Variants in DSE observed in about 807,000 individuals in gnomAD.
DSE encodes dermatan-sulfate epimerase.
In DSE, 36 loss-of-function variants were observed where a neutral mutation model predicts 84.4. The ratio of observed to expected loss-of-function variants is 0.43; its 90% confidence interval spans 0.33 to 0.56. The LOEUF is 0.56. DSE is among the 20% of genes least tolerant of loss of function. DSE has a pLI of 0.06. For missense variants in DSE, 862 were observed against 1,169.6 expected (o/e 0.74, Z 3.84); for synonymous variants, 410 against 430.1 (o/e 0.95, Z 0.58).
intron 2 of DSE, among the ~76,000 whole-genome samples, chr6:116,260,246 CT>C (rs910513923): frequency 3.3e-5 from 5 of 151,314 alleles, no homozygotes; most frequent in South Asian, 2.1e-4. Context: ...TGATGTTGAG[CT>C]TTTTTTTTCA....
intron 2 of DSE, among the ~76,000 whole-genome samples, chr6:116,334,114 C>T (rs1777104233): frequency 6.6e-6 from 1 of 152,122 alleles, no homozygotes. Flanking sequence ...TGTTTCCCAC[C>T]ATTAGATTAT....
chr6:116,296,536 G>A (rs1774677531), intron 2 of DSE, among the ~76,000 whole-genome samples: 1 of 152,300 alleles, frequency 6.6e-6, no homozygotes, highest in South Asian at 2.1e-4. Flanking sequence ...GTGTGACTGG[G>A]GCTAAGGTTT....
At chr6:116,254,511 CAG>C (rs1375116099) in intron 1 of DSE, 1 of 246,802 alleles carries the variant, frequency 4.1e-6, no homozygotes, top group Non-Finnish European at 8.3e-6. Context: ...TTTAAATGAG[CAG>C]AGTTTGATTT....
rs1284316998 is a variant in DSE at position 116,439,075 on chromosome 6, G to A, written c.*1730G>A. 1.3e-5 allele frequency: 2 copies of A among 152,196 alleles called. No homozygotes were observed. The highest frequency in any genetic ancestry group is 3.9e-4 in the East Asian group (2 of 5,184). The allele number at this position is 152,196 out of a possible 1,614,324, so 9.4% of individuals were successfully genotyped here. A position where few individuals can be genotyped will look rare whatever the true frequency, so the allele number is the denominator to read the frequency against. ...TTACTAGGATTTAAACTTGCTTTAT[G>A]TGACAGATTCTCCATTTACTTAACC... is the stretch of plus-strand genomic sequence containing the variant. On this transcript the variant is annotated 3_prime_UTR_variant, in exon 6 of 6. Transcript: ENST00000644252.
intron 2 of DSE, among the ~76,000 whole-genome samples, chr6:116,359,307 A>T (rs1778754655): frequency 6.6e-6 from 1 of 152,116 alleles, no homozygotes; most frequent in Non-Finnish European, 1.5e-5. Flanking sequence ...CACTTACTAT[A>T]CAAGCATTTG....
At chr6:116,262,892 G>A (rs1772471544) in intron 2 of DSE, among the ~76,000 whole-genome samples, 1 of 152,140 alleles carries the variant, frequency 6.6e-6, no homozygotes, top group African/African-American at 2.4e-5. Context: ...TCAGGAGCAG[G>A]TTATTCAATT....
In DSE at chr6:116,399,580, A is replaced by G; in HGVS notation, c.330A>G (p.Ala110=). 6.2e-7 allele frequency: 1 copy of G among 1,614,248 alleles called. No homozygotes were observed. Among genetic ancestry groups the G allele is most frequent in the African/African-American group, 1.3e-5 (1 of 75,068 alleles). Residue 110 remains alanine, a synonymous_variant, in exon 2 of 6, where the codon GCA becomes GCG. Transcript: ENST00000644252. ...TTGGAAACAACTTGGGTGCCTTGGC[A>G]ATGTTCTGTGTGCTGTATCCTGAGA... ...EIFGNNLGAL[A]MFCVLYPENI...
In DSE at chr6:116,305,632, CT is replaced by C. The variant is rs906728776; in HGVS notation, c.-54+46673del. 5.3e-5 allele frequency among the ~76,000 whole-genome samples: 8 copies of C among 151,688 alleles called. No homozygotes were observed. In the South Asian group the frequency reaches 6.3e-4, roughly 12 times the overall value. On this transcript the variant is annotated intron_variant, in intron 2 of 3. Transcript: ENST00000430252. ...AATTATACCGTAGCTATAGAGTATCCTTTTTTTTGTTTTTGTTTTTTTGAGT... is the reference window on the plus strand; with the variant it reads ...AATTATACCGTAGCTATAGAGTATCCTTTTTTTGTTTTTGTTTTTTTGAGT...
At chr6:116,273,843 T>G (rs937596992) in intron 2 of DSE, among the ~76,000 whole-genome samples, 1 of 151,160 alleles carries the variant, frequency 6.6e-6, no homozygotes, top group African/African-American at 2.4e-5. Flanking sequence ...TGTTTTTTTT[T>G]TTTTTTGAGA....
At chr6:116,279,613 TC>T in intron 2 of DSE, 1 of 1,602,398 alleles carries the variant, frequency 6.2e-7, no homozygotes, top group Non-Finnish European at 8.5e-7. Context: ...GCCCGCGGCA[TC>T]CTGGGGTACG....
Position 116,337,454 on chromosome 6 carries a change from A to G in DSE, c.-53-61744A>G, listed in dbSNP as rs561402371. Among the ~76,000 whole-genome samples, 3 of 152,268 alleles carry G rather than the reference A, an allele frequency of 2.0e-5. No homozygotes were observed. In the South Asian group the frequency reaches 6.2e-4, roughly 32 times the overall value. On this transcript the variant is annotated intron_variant, in intron 2 of 3. Transcript: ENST00000430252. ...GTGAAACACCGTCTCTACTAAAACTACAAAAATTAGCCGGGTGTGGTGGTG... is the reference window on the plus strand; with the variant it reads ...GTGAAACACCGTCTCTACTAAAACTGCAAAAATTAGCCGGGTGTGGTGGTG...
intron 2 of DSE, among the ~76,000 whole-genome samples, chr6:116,331,222 T>C (rs1011447908): frequency 6.6e-6 from 1 of 152,196 alleles, no homozygotes; most frequent in Non-Finnish European, 1.5e-5. Flanking sequence ...AATAGTTGTA[T>C]TAGTTCATTC....
intron 2 of DSE, among the ~76,000 whole-genome samples, chr6:116,322,810 A>C (rs1374564308): frequency 6.6e-6 from 1 of 152,202 alleles, no homozygotes; most frequent in Non-Finnish European, 1.5e-5. Context: ...TTCTGTTTAA[A>C]TATGGAGAGA....
intron 2 of DSE, among the ~76,000 whole-genome samples, chr6:116,365,222 T>C (rs1319135945): frequency 2.6e-5 from 4 of 151,986 alleles, no homozygotes; most frequent in Non-Finnish European, 5.9e-5. Flanking sequence ...AACTTTCTAA[T>C]TTGGTTGGTA....
At chr6:116,295,544 A>G (rs1774609653) in intron 2 of DSE, among the ~76,000 whole-genome samples, 1 of 152,210 alleles carries the variant, frequency 6.6e-6, no homozygotes, top group Admixed American at 6.5e-5. Context: ...AAACCACAAT[A>G]CAGAAAATAA....
intron 2 of DSE, among the ~76,000 whole-genome samples, chr6:116,300,431 TATC>T (rs1259733828): frequency 6.6e-6 from 1 of 152,228 alleles, no homozygotes; most frequent in Admixed American, 6.5e-5. Flanking sequence ...TTTCTGAATA[TATC>T]ATTTTATCCT....
chr6:116,315,299 T>C (rs943776415), intron 2 of DSE, among the ~76,000 whole-genome samples: 3 of 151,766 alleles, frequency 2.0e-5, no homozygotes, highest in African/African-American at 7.3e-5. Flanking sequence ...CTGTCCTGCT[T>C]TTCCCTCCTA....
In DSE at chr6:116,384,382, C is replaced by T. The variant is rs561970212; in HGVS notation, c.-54+13261C>T. Among the ~76,000 whole-genome samples the T allele has an allele frequency of 4.7e-4, 72 of 152,222 alleles. 1 individual carries two copies. The South Asian group carries it at 8.1e-3, about 17-fold the overall frequency. ...TGAGAGACATTCAGGCAGTGGTCTG[C>T]GATTAGAGGCATGTTAGTTAGGCAT... On this transcript the variant is annotated intron_variant, in intron 1 of 5. Coordinates refer to ENST00000644252, the MANE Select transcript of DSE (RefSeq NM_013352.4).
intron 2 of DSE, among the ~76,000 whole-genome samples, chr6:116,320,689 A>G (rs530676542): frequency 1.4e-4 from 21 of 152,168 alleles, no homozygotes; most frequent in African/African-American, 4.3e-4. Flanking sequence ...TGGCCACTCT[A>G]TTGCTGCCTC....
Sources: gnomAD v4.1 joint callset for allele counts (sites outside exome capture counted in the v4.1 genomes callset) on GRCh38, gnomAD v4.1.1 for gene constraint, MANE v1.5 for transcripts, NCBI Gene and HGNC (gene_info 2026-07-23, HGNC 2026-07-21) for gene names.